Variants in DYM observed in about 807,000 individuals in gnomAD.
The protein encoded by DYM is dyggve-Melchior-Clausen syndrome protein.
A neutral mutation model predicts 93.1 loss-of-function variants in DYM; 78 were observed. That is an observed-to-expected ratio of 0.84 (90% confidence interval 0.70 to 1.01). The LOEUF (loss-of-function observed/expected upper bound fraction) is 1.01, where lower values mean the gene tolerates loss of function less well. Among genes scored for constraint, DYM ranks in the 50% least tolerant of loss-of-function variants. The pLI is 0.00. For missense variants in DYM, 789 were observed against 845.0 expected (o/e 0.93, Z 0.82); for synonymous variants, 321 against 319.7 (o/e 1.00, Z -0.04).
chr18:49,177,073 G>C (rs977488600), intron 14 of DYM, among the ~76,000 whole-genome samples: 4 of 152,098 alleles, frequency 2.6e-5, no homozygotes, highest in Non-Finnish European at 4.4e-5. Flanking sequence ...TAGCAAATCT[G>C]TCCAGTTTTT....
chr18:49,187,331 G>A (rs574360980), intron 14 of DYM, among the ~76,000 whole-genome samples: 3 of 152,262 alleles, frequency 2.0e-5, no homozygotes, highest in Non-Finnish European at 4.4e-5. Flanking sequence ...CCAATTCTGA[G>A]TATCAACTCT....
In DYM at chr18:49,286,494, C is replaced by G; in HGVS notation, c.886G>C (p.Asp296His). Residue 296 changes from aspartate (D) to histidine (H), a missense_variant, in exon 9 of 18, where the codon GAT (aspartate) becomes CAT (histidine). By Grantham distance (81) the Asp-to-His change is moderately conservative. Transcript: ENST00000675505. Reference protein sequence around the residue: ...LLLLVLANLTDASDAPNPYRQ... With the variant: ...LLLLVLANLTHASDAPNPYRQ... ...TAGGGGTTTGGCGCATCTGAGGCAT[C>G]TGTCAGATTGGCCAACACCAGCAGA... The G allele has an allele frequency of 6.2e-7, 1 of 1,614,158 alleles. No individual in the cohort carries two copies. Among genetic ancestry groups the G allele is most frequent in the Non-Finnish European group, 8.5e-7 (1 of 1,180,000 alleles).
chr18:49,335,072 A>C (rs1480283575), intron 6 of DYM, among the ~76,000 whole-genome samples: 1 of 152,178 alleles, frequency 6.6e-6, no homozygotes, highest in Non-Finnish European at 1.5e-5. Flanking sequence ...GTGCCATTGC[A>C]CTCCAGCCTT....
At chr18:49,369,049 G>A (rs1213162091) in intron 5 of DYM, among the ~76,000 whole-genome samples, 2 of 152,236 alleles carry the variant, frequency 1.3e-5, no homozygotes, top group Non-Finnish European at 2.9e-5. Context: ...CCAAACGGCG[G>A]TTCCCACTGG....
intron 14 of DYM, among the ~76,000 whole-genome samples, chr18:49,164,997 A>T (rs1358635954): frequency 6.6e-6 from 1 of 152,308 alleles, no homozygotes; most frequent in African/African-American, 2.4e-5. Flanking sequence ...CTGGATAAAA[A>T]AGCGAGACCC....
At chr18:49,458,911 A>T (rs899268967) in intron 1 of DYM, among the ~76,000 whole-genome samples, 2 of 152,214 alleles carry the variant, frequency 1.3e-5, no homozygotes, top group Non-Finnish European at 2.9e-5. Flanking sequence ...GATGAAATTG[A>T]ATGTCTATGA....
chr18:49,333,647 C>T (rs991718372), intron 7 of DYM, 81 bp downstream of exon 7: 6 of 1,445,714 alleles, frequency 4.2e-6, no homozygotes, highest in African/African-American at 2.8e-5. Context: ...AGATATGGGA[C>T]GATACTCAGG....
intron 17 of DYM, among the ~76,000 whole-genome samples, chr18:49,047,760 G>A (rs2071807235): frequency 6.6e-6 from 1 of 152,154 alleles, no homozygotes; most frequent in African/African-American, 2.4e-5. Context: ...GGAAGTCTTT[G>A]TCATGGAATC....
intron 14 of DYM, among the ~76,000 whole-genome samples, chr18:49,177,104 G>A (rs1203228121): frequency 6.6e-6 from 1 of 152,128 alleles, no homozygotes; most frequent in African/African-American, 2.4e-5. Context: ...ATGGCACAGT[G>A]TCACTAATTT....
At chr18:49,214,206 G>A (rs1309587075) in intron 13 of DYM, among the ~76,000 whole-genome samples, 1 of 152,206 alleles carries the variant, frequency 6.6e-6, no homozygotes, top group Non-Finnish European at 1.5e-5. Context: ...AGCAGTAGGT[G>A]AGTGGCAGTT....
chr18:49,234,108 A>G (rs1455646265), intron 13 of DYM, among the ~76,000 whole-genome samples: 1 of 151,906 alleles, frequency 6.6e-6, no homozygotes. Context: ...CAGCCTGGGT[A>G]ACAGAGCAAG....
chr18:49,378,394 G>A (rs939684942), intron 5 of DYM, among the ~76,000 whole-genome samples, 173 bp downstream of exon 5: 1 of 152,064 alleles, frequency 6.6e-6, no homozygotes, highest in Admixed American at 6.6e-5. Flanking sequence ...AAACGCTTGA[G>A]TCTTGACTCA....
intron 17 of DYM, among the ~76,000 whole-genome samples, chr18:49,067,252 T>TGTC (rs2144785206): frequency 9.9e-6 from 1 of 101,052 alleles, no homozygotes; most frequent in South Asian, 3.5e-4. Flanking sequence ...GGTGACATGT[T>TGTC]ATGGAGGTTC....
Position 49,333,814 on chromosome 18 carries a change from T to C in DYM, c.534A>G (p.Thr178=), listed in dbSNP as rs775696326. 26 of 1,612,890 alleles carry C rather than the reference T, an allele frequency of 1.6e-5. No homozygotes were observed. In the Admixed American group the frequency reaches 3.8e-4, roughly 24 times the overall value. Residue 178 remains threonine (T), a synonymous_variant, in exon 7 of 18, where the codon ACA becomes ACG. Coordinates refer to ENST00000675505, the MANE Select transcript of DYM (RefSeq NM_001353214.3). ...TYEISVEAIS[T]MVVFLSCQLF... ...GTTGGCAGGAAAGGAAAACAACCAT[T>C]GTTGATATAGCTTCTACTGATATTT...
chr18:49,403,202 G>C (rs1168493032), intron 2 of DYM, among the ~76,000 whole-genome samples: 1 of 152,180 alleles, frequency 6.6e-6, no homozygotes, highest in Non-Finnish European at 1.5e-5. Context: ...CAGGAGGGGA[G>C]TATAAAACAT....
At chr18:49,087,906 A>G (rs1400672998) in intron 17 of DYM, among the ~76,000 whole-genome samples, 2 of 152,228 alleles carry the variant, frequency 1.3e-5, no homozygotes, top group Admixed American at 6.5e-5. Context: ...TTTTGGCTGC[A>G]TAAATGTCTT....
chr18:49,145,719 T>C (rs2085053096), intron 15 of DYM, among the ~76,000 whole-genome samples: 1 of 152,234 alleles, frequency 6.6e-6, no homozygotes, highest in African/African-American at 2.4e-5. Flanking sequence ...TAATACTTTC[T>C]TGTGTGAATG....
intron 8 of DYM, among the ~76,000 whole-genome samples, chr18:49,318,630 A>AAGAG (rs905503173): frequency 1.1e-3 from 170 of 150,900 alleles, no homozygotes; most frequent in African/African-American, 3.8e-3. Flanking sequence ...CCCCACAAAA[A>AAGAG]AGAGAGAGAG....
At chr18:49,238,244 G>A (rs139293426) in intron 13 of DYM, among the ~76,000 whole-genome samples, 1 of 151,998 alleles carries the variant, frequency 6.6e-6, no homozygotes, top group African/African-American at 2.4e-5. Context: ...GTTTTAAACT[G>A]CAATTTTCTT....
Sources: gnomAD v4.1 joint callset for allele counts (sites outside exome capture counted in the v4.1 genomes callset) on GRCh38, gnomAD v4.1.1 for gene constraint, MANE v1.5 for transcripts, NCBI Gene and HGNC (gene_info 2026-07-23, HGNC 2026-07-21) for gene names.